The following DACH2 variants were observed in gnomAD, a reference collection of about 807,000 sequenced individuals.
The protein encoded by DACH2 is dachshund homolog 2.
Under a neutral mutation model 35.8 loss-of-function variants are expected in DACH2, and 17 were observed. That is an observed-to-expected ratio of 0.48 (90% CI 0.33 to 0.71). The LOEUF (loss-of-function observed/expected upper bound fraction) is 0.71. Among genes scored for constraint, DACH2 ranks in the 30% least tolerant of loss-of-function variants. The pLI, the probability that DACH2 is intolerant of heterozygous loss-of-function variation, is 0.02. For missense variants in DACH2, 469 were observed against 472.7 expected (o/e 0.99, Z 0.07); for synonymous variants, 195 against 177.3 (o/e 1.10, Z -0.79).
At chrX:86,294,755 A>T (rs1332064010) in intron 1 of DACH2, among the ~76,000 whole-genome samples, 1 of 110,053 alleles carries the variant, frequency 9.1e-6, no homozygotes, top group Non-Finnish European at 1.9e-5. Flanking sequence ...TCAGGGACCC[A>T]CTTGAGGAGG....
chrX:86,678,942 G>T (rs2040849629), intron 4 of DACH2, among the ~76,000 whole-genome samples: 1 of 111,040 alleles, frequency 9.0e-6, no homozygotes, highest in African/African-American at 3.3e-5. Flanking sequence ...CAAAACTATG[G>T]AGCTGCCTGT....
intron 7 of DACH2, among the ~76,000 whole-genome samples, chrX:86,767,883 A>C (rs1303626215): frequency 1.8e-5 from 2 of 111,641 alleles, no homozygotes; most frequent in Non-Finnish European, 3.8e-5. Flanking sequence ...ATCTTCATAA[A>C]GTATGTTACA....
chrX:86,626,091 G>T (rs1320561393), intron 3 of DACH2, among the ~76,000 whole-genome samples: 1 of 111,954 alleles, frequency 8.9e-6, no homozygotes, highest in Non-Finnish European at 1.9e-5. Flanking sequence ...TTCCACCTAT[G>T]AACCTGTAAA....
At chrX:86,589,083 T>A (rs927513406) in intron 3 of DACH2, among the ~76,000 whole-genome samples, 6 of 112,034 alleles carry the variant, frequency 5.4e-5, no homozygotes, top group Non-Finnish European at 1.1e-4. Context: ...AGATGTTGGA[T>A]TTTATTGAAA....
At chrX:86,550,528 A>G (rs190805652) in intron 3 of DACH2, among the ~76,000 whole-genome samples, 1 of 110,770 alleles carries the variant, frequency 9.0e-6, no homozygotes, top group East Asian at 2.9e-4. Flanking sequence ...CAAGGCCACC[A>G]AAAGTCCTTT....
chrX:86,796,386 C>G (rs1160821837), intron 7 of DACH2, among the ~76,000 whole-genome samples: 1 of 111,717 alleles, frequency 9.0e-6, no homozygotes, highest in East Asian at 2.8e-4. Context: ...AAAAGTTCTC[C>G]AAGTCCCCAC....
chrX:86,173,490 TGAAAG>T (rs1246191333), intron 1 of DACH2, among the ~76,000 whole-genome samples: 2 of 111,428 alleles, frequency 1.8e-5, no homozygotes, highest in Non-Finnish European at 1.9e-5. Context: ...TTCACAGTCT[TGAAAG>T]GGAGAGGAGT....
chrX:86,311,740 G>A (rs751860412), intron 1 of DACH2, among the ~76,000 whole-genome samples: 36 of 111,280 alleles, frequency 3.2e-4, no homozygotes, highest in Non-Finnish European at 5.3e-4. Flanking sequence ...AGTTAAGTTC[G>A]GCACCTGGAC....
chrX:86,590,520 G>A (rs975694445), intron 3 of DACH2, among the ~76,000 whole-genome samples: 8 of 112,059 alleles, frequency 7.1e-5, no homozygotes, highest in Admixed American at 2.8e-4. Flanking sequence ...TGAAGCTGCT[G>A]TATATATTTT....
chrX:86,392,433 G>C (rs1355623549), intron 2 of DACH2, among the ~76,000 whole-genome samples: 1 of 111,714 alleles, frequency 9.0e-6, no homozygotes, highest in Non-Finnish European at 1.9e-5. Flanking sequence ...ATAGACTACA[G>C]ACATAAGAAT....
rs746213921 is a variant in DACH2, at chrX:86,340,509, T to C, written c.489-36315T>C. Reference sequence around the variant, plus strand: ...CTCTCCCCCTCTCCTTGGGCGTCCCTATTCCCTGAGACACAGCAGTATTAA... The same window carrying C: ...CTCTCCCCCTCTCCTTGGGCGTCCCCATTCCCTGAGACACAGCAGTATTAA... On this transcript the variant is annotated intron_variant, in intron 1 of 11. Transcript: ENST00000373125. 8.1e-5 allele frequency among the ~76,000 whole-genome samples: 9 copies of C among 110,992 alleles called. No individual in the cohort carries two copies. The South Asian group carries it at 3.5e-3, about 43-fold the overall frequency.
chrX:86,623,864 A>G lies in DACH2; in HGVS notation c.641-27172A>G, dbSNP rs773540972. ...GGAGATCGAGACCATCCTGGCTAAC[A>G]CGGTGAAACCCCGTCTCTACTAAAA... On this transcript the variant is annotated intron_variant, in intron 3 of 11. Coordinates refer to ENST00000373125, the MANE Select transcript of DACH2 (RefSeq NM_053281.3). 2.0e-4 allele frequency among the ~76,000 whole-genome samples: 21 copies of G among 103,683 alleles called. 2 individuals are homozygous for G. In the East Asian group the frequency reaches 5.5e-3, roughly 27 times the overall value. The allele number at this position is 103,683 out of a possible 115,157, so 90.0% of individuals were successfully genotyped here. A position where few individuals can be genotyped will look rare whatever the true frequency, so the allele number is the denominator to read the frequency against.
intron 3 of DACH2, among the ~76,000 whole-genome samples, chrX:86,593,398 T>TTTTATTTTATTTTATTTTA (rs2039672393): frequency 1.1e-5 from 1 of 91,466 alleles, no homozygotes; most frequent in Admixed American, 1.1e-4. Context: ...TATATATATT[T>TTTTATTTTATTTTATTTTA]TTTTATTTTA....
chrX:86,513,389 T>C (rs2038422097), intron 2 of DACH2, among the ~76,000 whole-genome samples: 1 of 112,087 alleles, frequency 8.9e-6, no homozygotes, highest in South Asian at 3.7e-4. Context: ...GACTCGAGAA[T>C]AACTTGATCC....
intron 4 of DACH2, 65 bp from the exon 5 acceptor site, chrX:86,694,956 G>T: frequency 1.1e-6 from 1 of 884,344 alleles, no homozygotes; most frequent in South Asian, 4.8e-5. Context: ...CCCTAAAAGG[G>T]AATTTTAAAA....
intron 4 of DACH2, among the ~76,000 whole-genome samples, chrX:86,684,499 T>G (rs1438441353): frequency 2.7e-5 from 3 of 111,059 alleles, no homozygotes; most frequent in Non-Finnish European, 3.8e-5. Context: ...AATTATGTTA[T>G]GGGTAGGAAA....
intron 1 of DACH2, among the ~76,000 whole-genome samples, chrX:86,155,993 T>C (rs1390154270): frequency 9.0e-6 from 1 of 111,244 alleles, no homozygotes; most frequent in African/African-American, 3.2e-5. Flanking sequence ...TTTTCAATTT[T>C]TCTTTAAAAT....
At chrX:86,480,053 G>A (rs1271605028) in intron 2 of DACH2, among the ~76,000 whole-genome samples, 3 of 111,911 alleles carry the variant, frequency 2.7e-5, no homozygotes, top group Non-Finnish European at 5.6e-5. Flanking sequence ...TCTGTGTCTG[G>A]TCATTGAAAA....
intron 4 of DACH2, among the ~76,000 whole-genome samples, chrX:86,661,477 GT>G (rs2040604512): frequency 8.9e-6 from 1 of 112,423 alleles, no homozygotes; most frequent in African/African-American, 3.2e-5. Context: ...TTGGAATAAT[GT>G]TTTTAAGGTT....
Sources: gnomAD v4.1 joint callset for allele counts (sites outside exome capture counted in the v4.1 genomes callset) on GRCh38, gnomAD v4.1.1 for gene constraint, MANE v1.5 for transcripts, NCBI Gene and HGNC (gene_info 2026-07-23, HGNC 2026-07-21) for gene names.